DSE: variants seen among roughly 807,000 people sequenced by gnomAD.
DSE encodes the protein dermatan-sulfate epimerase.
DSE carries 36 observed loss-of-function variants against 84.4 expected under a neutral mutation model. The ratio of observed to expected loss-of-function variants is 0.43; its 90% confidence interval spans 0.33 to 0.56. The LOEUF is 0.56. Ranked by LOEUF, DSE falls within the 20% of genes least tolerant of loss-of-function variation. DSE has a pLI of 0.06. For missense variants in DSE, 862 were observed against 1,169.6 expected (o/e 0.74, Z 3.84); for synonymous variants, 410 against 430.1 (o/e 0.95, Z 0.58).
At chr6:116,350,054 A>G (rs1278793164) in intron 2 of DSE, among the ~76,000 whole-genome samples, 3 of 152,028 alleles carry the variant, frequency 2.0e-5, no homozygotes, top group Non-Finnish European at 4.4e-5. Context: ...TAAATGTACT[A>G]CTCCCTTTTA....
intron 2 of DSE, among the ~76,000 whole-genome samples, chr6:116,263,495 T>G (rs536057483): frequency 6.6e-6 from 1 of 152,316 alleles, no homozygotes; most frequent in Admixed American, 6.5e-5. Context: ...CCTATATATG[T>G]CATTGCATGT....
chr6:116,322,288 G>T (rs959480277), intron 2 of DSE, among the ~76,000 whole-genome samples: 1 of 152,158 alleles, frequency 6.6e-6, no homozygotes, highest in African/African-American at 2.4e-5. Context: ...GCGCCGGGCT[G>T]TCTGCTTGTG....
chr6:116,265,661 G>A (rs916468467), intron 2 of DSE, among the ~76,000 whole-genome samples: 4 of 151,992 alleles, frequency 2.6e-5, no homozygotes, highest in Non-Finnish European at 4.4e-5. Context: ...CAGGGAACCC[G>A]AGACCACCCT....
chr6:116,315,181 A>G (rs1255013361), intron 2 of DSE, among the ~76,000 whole-genome samples: 1 of 152,170 alleles, frequency 6.6e-6, no homozygotes, highest in Non-Finnish European at 1.5e-5. Flanking sequence ...CACTTACTGA[A>G]CATTATGTGC....
intron 2 of DSE, among the ~76,000 whole-genome samples, chr6:116,302,124 G>C (rs911717922): frequency 1.3e-5 from 2 of 152,164 alleles, no homozygotes; most frequent in Non-Finnish European, 2.9e-5. Flanking sequence ...ATAGTAGAAT[G>C]ATTTGTAATC....
intron 2 of DSE, among the ~76,000 whole-genome samples, chr6:116,274,854 A>G (rs1177605413): frequency 1.3e-5 from 2 of 152,178 alleles, no homozygotes; most frequent in Non-Finnish European, 2.9e-5. Context: ...AAGCTTCAGG[A>G]GGAGAAAGTA....
At chr6:116,304,173 G>A (rs559936555) in intron 2 of DSE, among the ~76,000 whole-genome samples, 19 of 152,036 alleles carry the variant, frequency 1.2e-4, no homozygotes, top group African/African-American at 4.6e-4. Context: ...TCAGAGGAGG[G>A]GAAACGAAGG....
intron 2 of DSE, among the ~76,000 whole-genome samples, chr6:116,290,717 G>A (rs149319492): frequency 6.6e-6 from 1 of 152,222 alleles, no homozygotes; most frequent in East Asian, 1.9e-4. Flanking sequence ...GAGACAATCT[G>A]CATCCTTCCC....
intron 2 of DSE, among the ~76,000 whole-genome samples, chr6:116,314,443 A>G (rs1304417964): frequency 1.3e-5 from 2 of 152,192 alleles, no homozygotes; most frequent in Non-Finnish European, 2.9e-5. Flanking sequence ...CATTCTGATA[A>G]AGGGTTAGAA....
intron 4 of DSE, among the ~76,000 whole-genome samples, chr6:116,432,200 GTTTCAGTGC>G (rs1426986079): frequency 6.6e-6 from 1 of 152,168 alleles, no homozygotes; most frequent in Admixed American, 6.5e-5. Context: ...CCTTTAAGAG[GTTTCAGTGC>G]TTTGTAATTT....
At chr6:116,311,540 G>A in intron 2 of DSE, among the ~76,000 whole-genome samples, 1 of 152,060 alleles carries the variant, frequency 6.6e-6, no homozygotes, top group Non-Finnish European at 1.5e-5. Context: ...CTTCAATAGA[G>A]GACTATTAAT....
At chr6:116,425,382 C>T (rs1011744522) in intron 2 of DSE, among the ~76,000 whole-genome samples, 2 of 152,126 alleles carry the variant, frequency 1.3e-5, no homozygotes, top group Non-Finnish European at 2.9e-5. Flanking sequence ...CCCACAGGTA[C>T]AGCACACTTT....
intron 2 of DSE, among the ~76,000 whole-genome samples, chr6:116,345,697 C>T (rs1777915203): frequency 6.6e-6 from 1 of 151,996 alleles, no homozygotes; most frequent in African/African-American, 2.4e-5. Flanking sequence ...CCTAAGATCA[C>T]AATTAAAAGA....
chr6:116,369,116 A>G (rs1779352107), upstream of DSE, among the ~76,000 whole-genome samples: 1 of 152,174 alleles, frequency 6.6e-6, no homozygotes, highest in Non-Finnish European at 1.5e-5. Flanking sequence ...AGAGATTTTA[A>G]AATGCAGATG....
At chr6:116,268,787 G>C (rs1286379085) in intron 2 of DSE, among the ~76,000 whole-genome samples, 1 of 152,106 alleles carries the variant, frequency 6.6e-6, no homozygotes, top group Non-Finnish European at 1.5e-5. Context: ...ATGATAGTAC[G>C]ATTCTGTTTT....
At chr6:116,367,867 A>G (rs946178589), upstream of DSE, among the ~76,000 whole-genome samples, 2 of 152,210 alleles carry the variant, frequency 1.3e-5, no homozygotes, top group Admixed American at 1.3e-4. Flanking sequence ...GGAGATGAAC[A>G]CTAAAAAACT....
At chr6:116,334,195 A>G (rs2114798913) in intron 2 of DSE, among the ~76,000 whole-genome samples, 1 of 152,306 alleles carries the variant, frequency 6.6e-6, no homozygotes, top group Admixed American at 6.5e-5. Context: ...TGTCTGTTGA[A>G]TGACTAGATG....
chr6:116,341,674 G>A (rs1398351815), intron 2 of DSE, among the ~76,000 whole-genome samples: 1 of 152,170 alleles, frequency 6.6e-6, no homozygotes, highest in Non-Finnish European at 1.5e-5. Flanking sequence ...TTTGTATAAG[G>A]TGTAAGGAAG....
At chr6:116,311,737 C>T (rs1409801655) in intron 2 of DSE, among the ~76,000 whole-genome samples, 1 of 152,172 alleles carries the variant, frequency 6.6e-6, no homozygotes, top group Non-Finnish European at 1.5e-5. Flanking sequence ...TTCTCCAGAT[C>T]TTTCAGGTCT....
Sources: gnomAD v4.1 joint callset for allele counts (sites outside exome capture counted in the v4.1 genomes callset) on GRCh38, gnomAD v4.1.1 for gene constraint, MANE v1.5 for transcripts, NCBI Gene and HGNC (gene_info 2026-07-23, HGNC 2026-07-21) for gene names.